Variants in SAMMSON observed in about 807,000 individuals in gnomAD.
The protein encoded by SAMMSON is long intergenic non-protein coding RNA 1212.
At chr3:70,423,813 A>G (rs1361912698) in intron 2 of SAMMSON, among the ~76,000 whole-genome samples, 1 of 152,204 alleles carries the variant, frequency 6.6e-6, no homozygotes, top group Non-Finnish European at 1.5e-5. Context: ...TTCATAATAC[A>G]GAAACTCTAA....
At chr3:70,075,361 A>G (rs115607619) in intron 4 of SAMMSON, 81 of 152,252 alleles carry the variant, frequency 5.3e-4, no homozygotes, top group African/African-American at 1.9e-3. Context: ...TTAAAACAAA[A>G]CAAAATAAAA....
chr3:70,082,670 T>C (rs2067271307), intron 4 of SAMMSON, among the ~76,000 whole-genome samples: 1 of 152,240 alleles, frequency 6.6e-6, no homozygotes, highest in Non-Finnish European at 1.5e-5. Context: ...ACCCCAGCTC[T>C]GCTCTTCACT....
At chr3:70,345,731 G>A (rs1215623444) in intron 7 of SAMMSON, among the ~76,000 whole-genome samples, 1 of 150,396 alleles carries the variant, frequency 6.6e-6, no homozygotes. Context: ...CATGCAATTG[G>A]AATCATATAG....
intron 3 of SAMMSON, among the ~76,000 whole-genome samples, chr3:70,055,688 ATT>A (rs2067164488): frequency 1.3e-5 from 2 of 152,134 alleles, no homozygotes; most frequent in Non-Finnish European, 2.9e-5. Flanking sequence ...GGCATGTGGA[ATT>A]TTGCATAAAT....
chr3:70,000,081 A>G (rs1288518499), intron 1 of SAMMSON, among the ~76,000 whole-genome samples: 2 of 152,192 alleles, frequency 1.3e-5, no homozygotes, highest in East Asian at 3.9e-4. Context: ...TCCTTGCGAT[A>G]AGGTAGAGGG....
chr3:70,293,948 C>G (rs571625155), intron 7 of SAMMSON, among the ~76,000 whole-genome samples: 1 of 152,044 alleles, frequency 6.6e-6, no homozygotes, highest in South Asian at 2.1e-4. Flanking sequence ...TATCTGATGA[C>G]AGAGGGAGCA....
intron 4 of SAMMSON, among the ~76,000 whole-genome samples, chr3:70,107,404 T>G (rs947495132): frequency 1.3e-5 from 2 of 151,988 alleles, no homozygotes; most frequent in African/African-American, 4.8e-5. Context: ...AAATTGGGAG[T>G]GGTCTCGGTT....
At chr3:70,181,716 A>G (rs2106705785) in intron 4 of SAMMSON, among the ~76,000 whole-genome samples, 1 of 152,266 alleles carries the variant, frequency 6.6e-6, no homozygotes, top group Non-Finnish European at 1.5e-5. Flanking sequence ...TTCCAGGGTA[A>G]TTTCAAATTG....
intron 7 of SAMMSON, chr3:70,332,603 GTT>G: frequency 6.7e-6 from 1 of 148,246 alleles, no homozygotes; most frequent in Admixed American, 6.8e-5. Flanking sequence ...GGAAAATTTG[GTT>G]TTTTTTTTGA....
At chr3:70,011,761 C>G (rs2066956959) in intron 1 of SAMMSON, among the ~76,000 whole-genome samples, 1 of 151,878 alleles carries the variant, frequency 6.6e-6, no homozygotes, top group East Asian at 1.9e-4. Context: ...GGAGGGAATC[C>G]AAGAACACAG....
At chr3:70,103,829 T>G (rs905273300) in intron 4 of SAMMSON, among the ~76,000 whole-genome samples, 13 of 152,056 alleles carry the variant, frequency 8.5e-5, no homozygotes, top group African/African-American at 3.1e-4. Flanking sequence ...CTATCACACA[T>G]TCTTGCAAAA....
intron 9 of SAMMSON, among the ~76,000 whole-genome samples, chr3:70,371,360 G>C (rs1702967210): frequency 6.6e-6 from 1 of 151,816 alleles, no homozygotes; most frequent in Admixed American, 6.6e-5. Context: ...AATTACATTG[G>C]TATTTTGACA....
intron 4 of SAMMSON, among the ~76,000 whole-genome samples, chr3:70,216,592 T>C (rs1369589916): frequency 1.3e-5 from 2 of 152,118 alleles, no homozygotes; most frequent in African/African-American, 2.4e-5. Flanking sequence ...ACTATCTAGA[T>C]AGAGATTTTT....
At chr3:70,061,350 T>C (rs1468551883) in intron 3 of SAMMSON, among the ~76,000 whole-genome samples, 1 of 152,140 alleles carries the variant, frequency 6.6e-6, no homozygotes, top group Non-Finnish European at 1.5e-5. Context: ...AGGTCCTAAA[T>C]TGGCAACCTG....
intron 6 of SAMMSON, among the ~76,000 whole-genome samples, chr3:70,274,056 C>T (rs951206175): frequency 7.0e-6 from 1 of 142,852 alleles, no homozygotes; most frequent in African/African-American, 2.6e-5. Context: ...ATTAAACCTC[C>T]GTGTGTGTGT....
intron 4 of SAMMSON, among the ~76,000 whole-genome samples, chr3:70,178,575 A>C (rs997499218): frequency 6.6e-6 from 1 of 152,220 alleles, no homozygotes; most frequent in Non-Finnish European, 1.5e-5. Context: ...GCATGGCACT[A>C]TGAAGGAGGC....
At chr3:70,410,418 C>T (rs1701208951) in intron 2 of SAMMSON, among the ~76,000 whole-genome samples, 3 of 152,154 alleles carry the variant, frequency 2.0e-5, no homozygotes, top group Admixed American at 2.0e-4. Flanking sequence ...TATAATAAGA[C>T]ATTGATAGTC....
chr3:70,190,864 T>G lies in SAMMSON; in HGVS notation n.508-58243T>G, dbSNP rs531568048. Among the ~76,000 whole-genome samples, 12 of 152,302 alleles carry G rather than the reference T, an allele frequency of 7.9e-5. No individual in the cohort carries two copies. In the South Asian group the frequency reaches 2.3e-3, roughly 29 times the overall value. On this transcript the variant is annotated intron_variant and non_coding_transcript_variant, in intron 4 of 9. Transcript: ENST00000642114. ...TCACTTTATGTGCCAGGTGGTTTACTGCCATGCCCACATTGGCAATTATAG... is the reference window on the plus strand; with the variant it reads ...TCACTTTATGTGCCAGGTGGTTTACGGCCATGCCCACATTGGCAATTATAG...
At chr3:70,150,783 A>G (rs1216892132) in intron 4 of SAMMSON, among the ~76,000 whole-genome samples, 2 of 152,154 alleles carry the variant, frequency 1.3e-5, no homozygotes, top group African/African-American at 4.8e-5. Flanking sequence ...GTGCATATGA[A>G]GAGAAGCCAT....
Sources: gnomAD v4.1 joint callset for allele counts (sites outside exome capture counted in the v4.1 genomes callset) on GRCh38, gnomAD v4.1.1 for gene constraint, MANE v1.5 for transcripts, NCBI Gene and HGNC (gene_info 2026-07-23, HGNC 2026-07-21) for gene names.